The following DLG2 variants were observed in gnomAD, a reference collection of about 807,000 sequenced individuals.
The protein encoded by DLG2 is discs large MAGUK scaffold protein 2, also known as disks large homolog 2.
In DLG2, 45 loss-of-function variants were observed where a neutral mutation model predicts 132.5. The ratio of observed to expected loss-of-function variants is 0.34; its 90% CI spans 0.27 to 0.44. The LOEUF is 0.44. Among genes scored for constraint, DLG2 ranks in the 20% least tolerant of loss-of-function variants. The probability of loss-of-function intolerance (pLI) is 1.00; values close to 1 mark genes in which losing one functional copy is unlikely to be tolerated. For synonymous variants in DLG2, 424 were observed against 419.6 expected (o/e 1.01, Z -0.13); for missense variants, 1,045 against 1,196.9 (o/e 0.87, Z 1.87).
At chr11:84,725,900 T>C (rs148041588) in intron 6 of DLG2, among the ~76,000 whole-genome samples, 2 of 152,232 alleles carry the variant, frequency 1.3e-5, no homozygotes, top group Non-Finnish European at 2.9e-5. Context: ...TCACCCAATA[T>C]GTATAATCTC....
chr11:85,005,367 T>C (rs1437220386), intron 6 of DLG2, among the ~76,000 whole-genome samples: 1 of 152,218 alleles, frequency 6.6e-6, no homozygotes, highest in Admixed American at 6.5e-5. Flanking sequence ...GAGCATGGAA[T>C]GTGTTTCCAT....
intron 7 of DLG2, among the ~76,000 whole-genome samples, chr11:84,465,756 C>T (rs2099092643): frequency 6.6e-6 from 1 of 151,210 alleles, no homozygotes; most frequent in African/African-American, 2.4e-5. Context: ...ATTCAGAGTA[C>T]CTCTCTGACA....
chr11:85,307,576 G>A (rs537517697), intron 3 of DLG2, among the ~76,000 whole-genome samples: 19 of 152,226 alleles, frequency 1.2e-4, no homozygotes, highest in African/African-American at 3.9e-4. Context: ...TCTAAACCAC[G>A]ATGATCCCTT....
intron 17 of DLG2, among the ~76,000 whole-genome samples, chr11:83,805,159 A>G (rs924348180): frequency 6.6e-6 from 1 of 152,126 alleles, no homozygotes; most frequent in African/African-American, 2.4e-5. Flanking sequence ...GCAAATAACA[A>G]TCTATAAGGT....
intron 21 of DLG2, among the ~76,000 whole-genome samples, chr11:83,522,050 TACC>T (rs1035855124): frequency 1.3e-5 from 2 of 152,212 alleles, no homozygotes; most frequent in Admixed American, 1.3e-4. Flanking sequence ...TTTACAACCT[TACC>T]ACTGCCCCAT....
chr11:83,725,173 T>C (rs2153691784), intron 18 of DLG2: 1 of 401,220 alleles, frequency 2.5e-6, no homozygotes, highest in African/African-American at 2.0e-5. Flanking sequence ...CACTCACCTC[T>C]TTTTCTTTCT....
At chr11:85,270,963 T>C (rs573412478) in intron 4 of DLG2, among the ~76,000 whole-genome samples, 5 of 152,176 alleles carry the variant, frequency 3.3e-5, no homozygotes, top group Non-Finnish European at 7.4e-5. Flanking sequence ...AACCCCATTT[T>C]CTGAGGAGAA....
chr11:85,563,409 A>G lies in DLG2; in HGVS notation c.40+35248T>C, dbSNP rs576332289. ...CTGGACCCCAAATGTCCATTAGTAA[A>G]TGAGTGGATTAAAAAAAAAAAAGTT... On this transcript the variant is annotated intron_variant, in intron 3 of 27. Coordinates refer to ENST00000376104, the MANE Select transcript of DLG2 (RefSeq NM_001142699.3). Among the ~76,000 whole-genome samples the G allele has an allele frequency of 4.2e-4, 63 of 151,226 alleles. No individual in the cohort carries two copies. The South Asian group carries it at 4.2e-3, about 10-fold the overall frequency.
At chr11:83,980,465 C>G in intron 12 of DLG2, 41 bp downstream of exon 12, 1 of 1,585,608 alleles carries the variant, frequency 6.3e-7, no homozygotes, top group Non-Finnish European at 8.6e-7. Flanking sequence ...AAAACAAGAG[C>G]TTTATAAATA....
intron 6 of DLG2, among the ~76,000 whole-genome samples, chr11:84,951,410 G>C (rs1352833269): frequency 6.6e-6 from 1 of 152,072 alleles, no homozygotes; most frequent in Non-Finnish European, 1.5e-5. Flanking sequence ...TTTGTAAGGA[G>C]TAAATTAAAT....
intron 7 of DLG2, among the ~76,000 whole-genome samples, chr11:84,427,485 A>G (rs1280777439): frequency 1.3e-5 from 2 of 152,124 alleles, no homozygotes; most frequent in East Asian, 3.9e-4. Flanking sequence ...TGGTGTGCCA[A>G]TAAGAGGATT....
At chr11:85,094,072 T>C (rs1219390945) in intron 6 of DLG2, among the ~76,000 whole-genome samples, 1 of 152,236 alleles carries the variant, frequency 6.6e-6, no homozygotes, top group Non-Finnish European at 1.5e-5. Context: ...AACTTTAGGA[T>C]TTTAATCTTT....
Position 84,814,499 on chromosome 11 carries a change from G to A in DLG2, c.358-279768C>T, listed in dbSNP as rs566780474. Among the ~76,000 whole-genome samples the A allele has an allele frequency of 3.4e-4, 52 of 152,136 alleles. 1 individual carries two copies. The highest frequency in any genetic ancestry group is 1.2e-3 in the African/African-American group (49 of 41,536). On this transcript the variant is annotated intron_variant, in intron 6 of 27. Transcript: ENST00000376104. ...TCCCCACTGCCTTTCTAACATGAGA[G>A]TCTAGGCCTTCCCTGACCCAGCCCT...
intron 6 of DLG2, among the ~76,000 whole-genome samples, chr11:84,807,016 A>G (rs931645261): frequency 6.6e-6 from 1 of 152,210 alleles, no homozygotes; most frequent in East Asian, 1.9e-4. Context: ...TAAGAGGAGG[A>G]ATTAAACAAA....
At chr11:84,717,953 A>C (rs781734925) in intron 6 of DLG2, among the ~76,000 whole-genome samples, 1 of 152,078 alleles carries the variant, frequency 6.6e-6, no homozygotes, top group Non-Finnish European at 1.5e-5. Flanking sequence ...GTAAGTATAA[A>C]ATTTAGCTTT....
chr11:85,280,080 T>C (rs2078135532), intron 4 of DLG2, among the ~76,000 whole-genome samples: 1 of 152,124 alleles, frequency 6.6e-6, no homozygotes, highest in African/African-American at 2.4e-5. Context: ...CATTTTAATA[T>C]AATGCAGTTT....
intron 18 of DLG2, among the ~76,000 whole-genome samples, chr11:83,784,872 A>G (rs769351432): frequency 1.3e-5 from 2 of 152,218 alleles, no homozygotes; most frequent in African/African-American, 2.4e-5. Flanking sequence ...TTTCAGAAAC[A>G]GGAAAATGGG....
At chr11:84,856,245 T>G (rs2082772590) in intron 6 of DLG2, among the ~76,000 whole-genome samples, 1 of 152,130 alleles carries the variant, frequency 6.6e-6, no homozygotes, top group Admixed American at 6.6e-5. Flanking sequence ...TTTCATCCTG[T>G]GAAAGTACGT....
intron 15 of DLG2, among the ~76,000 whole-genome samples, chr11:83,885,742 C>T (rs374295689): frequency 6.6e-6 from 1 of 152,168 alleles, no homozygotes; most frequent in Non-Finnish European, 1.5e-5. Flanking sequence ...AGACTAACAG[C>T]GGATCTCTTG....
Sources: gnomAD v4.1 joint callset for allele counts (sites outside exome capture counted in the v4.1 genomes callset) on GRCh38, gnomAD v4.1.1 for gene constraint, MANE v1.5 for transcripts, NCBI Gene and HGNC (gene_info 2026-07-23, HGNC 2026-07-21) for gene names.